KCNIP4: variants seen among roughly 807,000 people sequenced by gnomAD.
KCNIP4 encodes potassium voltage-gated channel interacting protein 4, also known as Kv channel-interacting protein 4.
A neutral mutation model predicts 34.0 loss-of-function variants in KCNIP4; 12 were observed. That is an observed-to-expected ratio of 0.35 (90% CI 0.23 to 0.57). The LOEUF (loss-of-function observed/expected upper bound fraction) is 0.57, where lower values mean the gene tolerates loss of function less well. KCNIP4 is among the 20% of genes least tolerant of loss of function. The probability of loss-of-function intolerance (pLI) is 0.83; values close to 1 mark genes in which losing one functional copy is unlikely to be tolerated. For missense variants in KCNIP4, 238 were observed against 311.7 expected, an observed-to-expected ratio of 0.76 and a Z score of 1.78; for synonymous variants, 124 against 102.2, an observed-to-expected ratio of 1.21 and a Z score of -1.29.
rs570450818 is a variant in KCNIP4, at chr4:21,007,862, C to T, written c.62-125153G>A. Among the ~76,000 whole-genome samples the T allele has an allele frequency of 5.3e-5, 8 of 152,344 alleles. No individual in the cohort carries two copies. In the East Asian group the frequency reaches 1.5e-3, roughly 29 times the overall value. ...TTTCCATAATGACACCTGAAGCACA[C>T]TTGTTTATTCTGTAAACTTTAGTTA... On this transcript the variant is annotated intron_variant, in intron 1 of 8. Coordinates refer to ENST00000382152, the MANE Select transcript of KCNIP4 (RefSeq NM_025221.6).
At chr4:20,985,615 G>T (rs1189477918) in intron 1 of KCNIP4, among the ~76,000 whole-genome samples, 1 of 152,156 alleles carries the variant, frequency 6.6e-6, no homozygotes, top group Non-Finnish European at 1.5e-5. Context: ...AATGGTACAT[G>T]AATGATCAAA....
At chr4:20,930,318 T>G (rs1306816856) in intron 1 of KCNIP4, among the ~76,000 whole-genome samples, 1 of 151,986 alleles carries the variant, frequency 6.6e-6, no homozygotes, top group Non-Finnish European at 1.5e-5. Flanking sequence ...TGCAGAAGAA[T>G]GAAATTGGAC....
At position 21,703,792 on chromosome 4, in the gene KCNIP4, C is replaced by T. The variant is rs190404773; in HGVS notation, c.61+244779G>A. On this transcript the variant is annotated intron_variant, in intron 1 of 8. Transcript: ENST00000382152. ...AGATGTCAGTTCTTTACTGCAACTG[C>T]AAGCAAAATTACAAGACTTTTCGAT... Among the ~76,000 whole-genome samples the T allele has an allele frequency of 1.4e-3, 219 of 152,108 alleles. 2 individuals are homozygous for T. Among genetic ancestry groups the T allele is most frequent in the Non-Finnish European group, 2.4e-3 (163 of 67,972 alleles).
chr4:20,815,230 T>A (rs1338404424), intron 3 of KCNIP4, among the ~76,000 whole-genome samples: 1 of 152,160 alleles, frequency 6.6e-6, no homozygotes, highest in Non-Finnish European at 1.5e-5. Flanking sequence ...GAAATACTAT[T>A]TTCATATATG....
chr4:21,370,508 A>T lies in KCNIP4; in HGVS notation c.62-487799T>A, dbSNP rs1391722557. 2.1e-5 allele frequency among the ~76,000 whole-genome samples: 3 copies of T among 145,402 alleles called. 1 individual carries two copies. The highest frequency in any genetic ancestry group is 8.5e-5 in the African/African-American group (3 of 35,434). On this transcript the variant is annotated intron_variant, in intron 1 of 8. Transcript: ENST00000382152. ...TTCATTATAAAGTAATATATACAAC[A>T]TATAATAAAGTATAAAAACCTATGT...
intron 1 of KCNIP4, among the ~76,000 whole-genome samples, chr4:21,135,521 A>G (rs1188151505): frequency 6.6e-6 from 1 of 152,176 alleles, no homozygotes; most frequent in Non-Finnish European, 1.5e-5. Flanking sequence ...TCATGTTTGT[A>G]TTTTTGGCAG....
chr4:21,371,585 T>TA (rs1298633195), intron 1 of KCNIP4, among the ~76,000 whole-genome samples: 2 of 147,136 alleles, frequency 1.4e-5, no homozygotes, highest in Non-Finnish European at 2.9e-5. Context: ...AAAATGAAAT[T>TA]AAATCATATG....
rs181580345 is a variant in KCNIP4 at position 21,748,823 on chromosome 4, T to C, written c.61+199748A>G. On this transcript the variant is annotated intron_variant, in intron 1 of 8. Transcript: ENST00000382152. ...TTTCTGATTGAAAAAAATAAAAAGTTAGGGACAAAGAATCCTGTCACTAAT... is the reference window on the plus strand; with the variant it reads ...TTTCTGATTGAAAAAAATAAAAAGTCAGGGACAAAGAATCCTGTCACTAAT... Among the ~76,000 whole-genome samples, 3 of 152,184 alleles carry C rather than the reference T, an allele frequency of 2.0e-5. No individual in the cohort carries two copies. The East Asian group carries it at 5.8e-4, about 29-fold the overall frequency.
chr4:21,356,051 C>A (rs1336427689), intron 1 of KCNIP4, among the ~76,000 whole-genome samples: 1 of 152,054 alleles, frequency 6.6e-6, no homozygotes, highest in South Asian at 2.1e-4. Context: ...ACGACAAAAA[C>A]CACGATTATT....
At chr4:21,396,876 T>C (rs1322307315) in intron 1 of KCNIP4, among the ~76,000 whole-genome samples, 2 of 152,204 alleles carry the variant, frequency 1.3e-5, no homozygotes, top group Non-Finnish European at 2.9e-5. Flanking sequence ...GCTGACACCT[T>C]GATTTTAGCC....
At chr4:21,082,738 A>T (rs534684808) in intron 1 of KCNIP4, among the ~76,000 whole-genome samples, 2 of 151,972 alleles carry the variant, frequency 1.3e-5, no homozygotes, top group South Asian at 4.1e-4. Context: ...GCTGGCTCTG[A>T]ATCTGATTTG....
intron 1 of KCNIP4, among the ~76,000 whole-genome samples, chr4:21,329,278 A>G (rs1489573647): frequency 6.6e-6 from 1 of 152,208 alleles, no homozygotes; most frequent in Non-Finnish European, 1.5e-5. Flanking sequence ...ATATACTTCC[A>G]AGAGGATACG....
rs117231126 is a variant in KCNIP4, at chr4:21,418,787, C to T, written c.61+529784G>A. Among the ~76,000 whole-genome samples the T allele has an allele frequency of 9.1e-4, 139 of 152,266 alleles. 2 individuals carry two copies. In the East Asian group the frequency reaches 0.023, roughly 25 times the overall value. On this transcript the variant is annotated intron_variant, in intron 1 of 8. Transcript: ENST00000382152. ...CCATTACAGTTGTCCGTCAATCACC[C>T]TTTAACCTGGGTGCTGATGTTCTTT... is the stretch of plus-strand genomic sequence containing the variant.
chr4:21,900,880 G>C (rs1374420081), intron 1 of KCNIP4, among the ~76,000 whole-genome samples: 1 of 151,972 alleles, frequency 6.6e-6, no homozygotes, highest in Non-Finnish European at 1.5e-5. Context: ...GACTACAACA[G>C]TTCATCTTAC....
At chr4:20,815,390 C>G (rs1318512210) in intron 3 of KCNIP4, among the ~76,000 whole-genome samples, 1 of 152,124 alleles carries the variant, frequency 6.6e-6, no homozygotes, top group Non-Finnish European at 1.5e-5. Context: ...ATTGTCTCAG[C>G]CTTCAAGCCT....
chr4:20,850,363 G>T, intron 3 of KCNIP4, 180 bp downstream of exon 3: 2 of 590,754 alleles, frequency 3.4e-6, no homozygotes, highest in Non-Finnish European at 5.8e-6. Flanking sequence ...TGCCAGCATG[G>T]GTGTGCCACA....
At chr4:21,019,598 T>C (rs1395087114) in intron 1 of KCNIP4, among the ~76,000 whole-genome samples, 2 of 152,176 alleles carry the variant, frequency 1.3e-5, no homozygotes, top group South Asian at 2.1e-4. Context: ...CTGAATAACT[T>C]TGAGCCAGTC....
chr4:21,722,570 T>G (rs533473649), intron 1 of KCNIP4, among the ~76,000 whole-genome samples: 3 of 152,272 alleles, frequency 2.0e-5, no homozygotes, highest in South Asian at 2.1e-4. Flanking sequence ...AGTTAGGATA[T>G]GCAGATTTAA....
chr4:20,904,864 G>A (rs770762300), intron 1 of KCNIP4, among the ~76,000 whole-genome samples: 2 of 152,142 alleles, frequency 1.3e-5, no homozygotes, highest in Non-Finnish European at 2.9e-5. Flanking sequence ...GGATGTAGCA[G>A]TAAAGAAACA....
Sources: allele counts gnomAD v4.1 joint callset (sites outside exome capture counted in the v4.1 genomes callset), GRCh38; gene constraint gnomAD v4.1.1; transcripts MANE v1.5; gene names NCBI Gene and HGNC (gene_info 2026-07-23, HGNC 2026-07-21).